The following CEP43 variants were observed in gnomAD, a reference collection of about 807,000 sequenced individuals.
CEP43 encodes the protein centrosomal protein 43.
Under a neutral mutation model 52.6 loss-of-function variants are expected in CEP43, and 36 were observed. The ratio of observed to expected loss-of-function variants is 0.68; its 90% CI spans 0.52 to 0.90. CEP43 has a LOEUF of 0.90. Ranked by LOEUF, CEP43 falls within the 40% of genes least tolerant of loss-of-function variation. The pLI, the probability that CEP43 is intolerant of heterozygous loss-of-function variation, is 0.00. For missense variants in CEP43, 506 were observed against 472.8 expected (o/e 1.07, Z -0.65); for synonymous variants, 192 against 172.4 (o/e 1.11, Z -0.89).
In CEP43 at chr6:167,022,638, G is replaced by A. The variant is rs201578763; in HGVS notation, c.806+3G>A. 1.4e-4 allele frequency: 227 copies of A among 1,599,034 alleles called. 1 individual carries two copies. Among genetic ancestry groups the A allele is most frequent in the Non-Finnish European group, 3.3e-5 (39 of 1,167,026 alleles). ...AAGCCAGAGAAAACTTACGGTTTGT[G>A]AGTAAATGGTTTTTGAGCTATGAGA... On this transcript the variant is annotated splice_donor_region_variant and intron_variant, in intron 8 of 12. Coordinates refer to ENST00000366847, the MANE Select transcript of CEP43 (RefSeq NM_007045.4).
At chr6:167,005,880 A>G (rs1344905884) in intron 5 of CEP43, among the ~76,000 whole-genome samples, 1 of 152,040 alleles carries the variant, frequency 6.6e-6, no homozygotes, top group Non-Finnish European at 1.5e-5. Flanking sequence ...TCTGTTTAGT[A>G]GTTGTGCTTT....
At chr6:167,036,637 T>G in intron 12 of CEP43, 3 of 985,416 alleles carry the variant, frequency 3.0e-6, no homozygotes, top group Non-Finnish European at 3.6e-6. Context: ...GTATGAAGCT[T>G]GCTATCACAG....
intron 6 of CEP43, among the ~76,000 whole-genome samples, chr6:167,012,843 C>A (rs557061804): frequency 6.6e-6 from 1 of 152,134 alleles, no homozygotes; most frequent in Non-Finnish European, 1.5e-5. Flanking sequence ...CTGTCTCTGC[C>A]GTCATCCCGT....
intron 6 of CEP43, among the ~76,000 whole-genome samples, chr6:167,011,368 T>C (rs1483316032): frequency 2.0e-5 from 3 of 152,312 alleles, no homozygotes; most frequent in African/African-American, 7.2e-5. Flanking sequence ...AGAAAATGTA[T>C]GTACTTTGGT....
At position 167,013,537 on chromosome 6, in the gene CEP43, G is replaced by A. The variant is rs757325645; in HGVS notation, c.549G>A (p.Lys183=). ...KIPRYKGQGK[K]KTSGQKAGDK... is the part of the protein sequence containing the mutation. The stretch of plus-strand genomic sequence containing the variant: ...CAAGGTATAAAGGACAAGGTAAGAA[G>A]AAGACAAGCGGGCAGAAGGCTGGTG... The change falls in exon 7 of 13, where the codon AAG becomes AAA. Residue 183 remains lysine, a synonymous_variant. Coordinates refer to ENST00000366847, the MANE Select transcript of CEP43 (RefSeq NM_007045.4). The A allele has an allele frequency of 1.9e-6, 3 of 1,613,804 alleles. No homozygotes were observed. In the South Asian group the frequency reaches 3.3e-5, roughly 18 times the overall value.
chr6:167,015,128 G>A lies in CEP43; in HGVS notation c.579+1561G>A, dbSNP rs558556687. Reference sequence around the variant, plus strand: ...GTACTTTGGGCAGAGTGTAGTGTGTGCCCTGACTTGAGAGGGGATTGAAGA... The same window carrying A: ...GTACTTTGGGCAGAGTGTAGTGTGTACCCTGACTTGAGAGGGGATTGAAGA... On this transcript the variant is annotated intron_variant, in intron 7 of 12. Coordinates refer to ENST00000366847, the MANE Select transcript of CEP43 (RefSeq NM_007045.4). Among the ~76,000 whole-genome samples the A allele has an allele frequency of 3.9e-5, 6 of 152,312 alleles. No homozygotes were observed. The East Asian group carries it at 1.2e-3, about 29-fold the overall frequency.
rs1350098028 is a variant in CEP43 at position 167,032,625 on chromosome 6, T to A, written c.1011T>A (p.Tyr337Ter). 22 of 1,581,160 alleles carry A rather than the reference T, an allele frequency of 1.4e-5. No individual in the cohort carries two copies. Among genetic ancestry groups the A allele is most frequent in the Non-Finnish European group, 1.8e-5 (21 of 1,159,746 alleles). The change falls in exon 11 of 13, where the codon TAT becomes TAA. Residue 337 changes from tyrosine (Y) to a stop codon, truncating the protein, a stop_gained. Coordinates refer to ENST00000366847, the MANE Select transcript of CEP43 (RefSeq NM_007045.4). LOFTEE classifies it high-confidence loss of function. ...CAGGAACTGGAGAAGATGATGACTA[T>A]GTTGATGATTTTAATAGGTAAGAAA... ...LGLGTGEDDD[Y>*]VDDFNSTSHR... is the part of the protein sequence containing the mutation.
chr6:167,024,673 C>A, intron 8 of CEP43, 109 bp from the exon 9 acceptor site: 1 of 760,050 alleles, frequency 1.3e-6, no homozygotes, highest in Non-Finnish European at 2.2e-6. Flanking sequence ...TGATTTCCAG[C>A]CACCACACGT....
chr6:167,026,642 G>A (rs373628095), intron 10 of CEP43, 27 bp downstream of exon 10: 3 of 1,386,528 alleles, frequency 2.2e-6, no homozygotes, highest in East Asian at 2.3e-5. Flanking sequence ...TTTTTGTGCT[G>A]ATCGTTTTAA....
At chr6:167,026,429 A>C (rs910189558) in intron 9 of CEP43, 118 bp from the exon 10 acceptor site, 2 of 687,486 alleles carry the variant, frequency 2.9e-6, no homozygotes, top group African/African-American at 3.6e-5. Context: ...CCTTAGTTTT[A>C]GGTTATTATG....
At chr6:166,999,827 C>T (rs904282850) in intron 1 of CEP43, 70 of 560,902 alleles carry the variant, frequency 1.2e-4, no homozygotes, top group African/African-American at 1.1e-3. Context: ...AGTGCGGCCC[C>T]AGCGTCTCTT....
In CEP43 at chr6:167,050,774, C is replaced by CAAAAAAGAAAAAAA. The variant is rs1780860309; in HGVS notation, c.*10803_*10816dup. On this transcript the variant is annotated 3_prime_UTR_variant, in exon 13 of 13. Coordinates refer to ENST00000366847, the MANE Select transcript of CEP43 (RefSeq NM_007045.4). ...CCAGTCTGGGTGACAGAGTGAGACT[C>CAAAAAAGAAAAAAA]AAAAAAGAAAAAAAAAAAAAAAAAA... 2.4e-5 allele frequency: 1 copy of CAAAAAAGAAAAAAA among 41,168 alleles called. No individual in the cohort carries two copies. The highest frequency in any genetic ancestry group is 9.4e-4 in the South Asian group (1 of 1,064). 2.6% of individuals were successfully genotyped at this position (41,168 alleles called of 1,614,324 possible).
At chr6:167,021,072 GAAAAAAAAAAA>G (rs5881725) in intron 7 of CEP43, among the ~76,000 whole-genome samples, 2 of 143,886 alleles carry the variant, frequency 1.4e-5, no homozygotes, top group Admixed American at 7.0e-5. Context: ...TCTTAAAAAA[GAAAAAAAAAAA>G]AAAGAAAAAA....
chr6:167,020,193 A>G (rs1780193116), intron 7 of CEP43, among the ~76,000 whole-genome samples: 1 of 152,242 alleles, frequency 6.6e-6, no homozygotes, highest in African/African-American at 2.4e-5. Context: ...CATCCCTTTG[A>G]AAATATGTTG....
chr6:167,017,508 A>C (rs1197228734), intron 7 of CEP43, among the ~76,000 whole-genome samples: 1 of 152,030 alleles, frequency 6.6e-6, no homozygotes, highest in Admixed American at 6.6e-5. Flanking sequence ...ACTGTATTGC[A>C]TGAATTTTTT....
At chr6:167,000,150 T>G (rs775577317) in intron 2 of CEP43, 37 bp downstream of exon 2, 2 of 1,427,852 alleles carry the variant, frequency 1.4e-6, no homozygotes, top group Admixed American at 1.8e-5. Context: ...GCTGTATTCG[T>G]TAATACTTAA....
chr6:167,035,691 C>T (rs541611347), intron 12 of CEP43, among the ~76,000 whole-genome samples: 1 of 152,040 alleles, frequency 6.6e-6, no homozygotes, highest in African/African-American at 2.4e-5. Context: ...CTCAGCCTCC[C>T]GCGTAGCTGG....
rs182323558 is a variant in CEP43 at position 167,010,785 on chromosome 6, A to G, written c.439-28A>G. On this transcript the variant is annotated intron_variant, in intron 5 of 12. Coordinates refer to ENST00000366847, the MANE Select transcript of CEP43 (RefSeq NM_007045.4). Reference sequence around the variant, plus strand: ...ATATTTGTGTTTTATTTTTAAATGTATTTTAATTTTAAACTAAAATATTTT... The same window carrying G: ...ATATTTGTGTTTTATTTTTAAATGTGTTTTAATTTTAAACTAAAATATTTT... The G allele has an allele frequency of 1.1e-4, 133 of 1,201,342 alleles. 1 individual carries two copies. Among genetic ancestry groups the G allele is most frequent in the African/African-American group, 4.7e-5 (3 of 64,034 alleles). The allele number at this position is 1,201,342 out of a possible 1,614,324, so 74.4% of individuals were successfully genotyped here. A position where few individuals can be genotyped will look rare whatever the true frequency, so the allele number is the denominator to read the frequency against.
intron 1 of CEP43, 188 bp from the exon 2 acceptor site, chr6:166,999,872 A>G: frequency 1.7e-6 from 1 of 579,152 alleles, no homozygotes; most frequent in Non-Finnish European, 3.0e-6. Flanking sequence ...GCGGGAAAGC[A>G]GCGCGTCCAG....
Sources: gnomAD v4.1 joint callset for allele counts (sites outside exome capture counted in the v4.1 genomes callset) on GRCh38, gnomAD v4.1.1 for gene constraint, MANE v1.5 for transcripts, NCBI Gene and HGNC (gene_info 2026-07-23, HGNC 2026-07-21) for gene names.